TRIM58: variants seen among roughly 807,000 people sequenced by gnomAD.
TRIM58 encodes tripartite motif containing 58, also known as E3 ubiquitin-protein ligase TRIM58.
A neutral mutation model predicts 34.1 loss-of-function variants in TRIM58; 38 were observed. That is an observed-to-expected ratio of 1.12 (90% CI 0.86 to 1.46). The LOEUF (loss-of-function observed/expected upper bound fraction) is 1.46. Among genes scored for constraint, TRIM58 ranks in the 40% most tolerant of loss-of-function variants. The pLI is 0.00. For missense variants in TRIM58, 677 were observed against 642.0 expected, an observed-to-expected ratio of 1.05 and a Z score of -0.59; for synonymous variants, 273 against 275.7, an observed-to-expected ratio of 0.99 and a Z score of 0.10.
intron 5 of TRIM58, among the ~76,000 whole-genome samples, chr1:247,874,400 T>C (rs1051258282): frequency 6.6e-6 from 1 of 152,136 alleles, no homozygotes; most frequent in African/African-American, 2.4e-5. Flanking sequence ...CACTAAGTCA[T>C]TCATGGGGGA....
chr1:247,880,041 C>G lies in TRIM58; in HGVS notation c.*3552C>G, dbSNP rs1336896742. 6.6e-6 allele frequency among the ~76,000 whole-genome samples: 1 copy of G among 152,020 alleles called. No homozygotes were observed. Among genetic ancestry groups the G allele is most frequent in the African/African-American group, 2.4e-5 (1 of 41,386 alleles). ...CTTTGTCTGTTGACAATGATACATTCAATGTTTCTCAAGCACCCCCAATGC... is the reference window on the plus strand; with the variant it reads ...CTTTGTCTGTTGACAATGATACATTGAATGTTTCTCAAGCACCCCCAATGC... On this transcript the variant is annotated 3_prime_UTR_variant, in exon 6 of 6. Transcript: ENST00000366481.
At chr1:247,875,340 G>A (rs918165304) in intron 5 of TRIM58, among the ~76,000 whole-genome samples, 1 of 152,132 alleles carries the variant, frequency 6.6e-6, no homozygotes, top group Non-Finnish European at 1.5e-5. Flanking sequence ...TATGTTAAAT[G>A]CAGAAGATCC....
At chr1:247,875,405 G>A (rs554491952) in intron 5 of TRIM58, among the ~76,000 whole-genome samples, 21 of 152,154 alleles carry the variant, frequency 1.4e-4, no homozygotes, top group Non-Finnish European at 2.8e-4. Context: ...GTGTGCACCT[G>A]TAGTCCCAGC....
Position 247,864,930 on chromosome 1 carries a change from C to T in TRIM58, c.742C>T (p.Leu248=), listed in dbSNP as rs1412848289. The change falls in exon 3 of 6, where the codon CTG becomes TTG. Residue 248 remains leucine, a synonymous_variant. Transcript: ENST00000366481. ...GTGCCAGCGCCCGGCCCTGGGTCTGCTGGAGGTGAGGCCGGGTGCCAGAAA... is the reference window on the plus strand; with the variant it reads ...GTGCCAGCGCCCGGCCCTGGGTCTGTTGGAGGTGAGGCCGGGTGCCAGAAA... ...ERCQRPALGL[L]EGVRGVLSRS... 1.9e-6 allele frequency: 3 copies of T among 1,571,368 alleles called. No individual in the cohort carries two copies. The highest frequency in any genetic ancestry group is 2.3e-5 in the East Asian group (1 of 43,470).
chr1:247,873,978 A>G (rs1221930961), intron 5 of TRIM58, among the ~76,000 whole-genome samples: 1 of 149,292 alleles, frequency 6.7e-6, no homozygotes, highest in Non-Finnish European at 1.5e-5. Flanking sequence ...AAAAAAAAGT[A>G]GTTCACTGTA....
chr1:247,857,245 T>TCATG lies in TRIM58; in HGVS notation c.-1_3dup, dbSNP rs1663650099. The TCATG allele has an allele frequency of 7.6e-7, 1 of 1,309,680 alleles. No homozygotes were observed. Among genetic ancestry groups the TCATG allele is most frequent in the Non-Finnish European group, 9.8e-7 (1 of 1,022,246 alleles). The allele number at this position is 1,309,680 out of a possible 1,614,324, so 81.1% of individuals were successfully genotyped here. A position where few individuals can be genotyped will look rare whatever the true frequency, so the allele number is the denominator to read the frequency against. On this transcript the variant is annotated 5_prime_UTR_variant, in exon 1 of 6. The change creates a new upstream start codon in the 5' untranslated region. Transcript: ENST00000366481. ...GGAGCGCAGCCCTCCGGGAGGCGGG[T>TCATG]CATGGCCTGGGCGCCGCCCGGGGAG...
chr1:247,861,243 A>G (rs1053617540), intron 2 of TRIM58, among the ~76,000 whole-genome samples: 2 of 152,096 alleles, frequency 1.3e-5, no homozygotes, highest in Non-Finnish European at 2.9e-5. Context: ...GTGTACACAC[A>G]CACACAGTGA....
rs778317143 is a variant in TRIM58, at chr1:247,876,414, A to G, written c.1386A>G (p.Thr462=). The G allele has an allele frequency of 2.0e-5, 33 of 1,614,026 alleles. No homozygotes were observed. The highest frequency in any genetic ancestry group is 6.8e-6 in the Non-Finnish European group (8 of 1,180,034). The change falls in exon 6 of 6, where the codon ACA becomes ACG. Residue 462 remains threonine (T), a synonymous_variant. Transcript: ENST00000366481. ...CTCCTCTTATCTTGCCACCCACAACAATAGCAGGGTCAGGAAATTGGGCAT... is the reference window on the plus strand; with the variant it reads ...CTCCTCTTATCTTGCCACCCACAACGATAGCAGGGTCAGGAAATTGGGCAT... ...DATPLILPPT[T]IAGSGNWASR...
chr1:247,879,736 T>C lies in TRIM58; in HGVS notation c.*3247T>C, dbSNP rs960574961. 1.3e-5 allele frequency among the ~76,000 whole-genome samples: 2 copies of C among 151,470 alleles called. No homozygotes were observed. Among genetic ancestry groups the C allele is most frequent in the Non-Finnish European group, 2.9e-5 (2 of 67,966 alleles). On this transcript the variant is annotated 3_prime_UTR_variant, in exon 6 of 6. Transcript: ENST00000366481. ...CCCATCACAGGGCCATTTCCCCGCCTGTGGCTTCTGCTTGACATTCCCTTT... is the reference window on the plus strand; with the variant it reads ...CCCATCACAGGGCCATTTCCCCGCCCGTGGCTTCTGCTTGACATTCCCTTT...
chr1:247,873,995 T>C (rs1048710637), intron 5 of TRIM58, among the ~76,000 whole-genome samples: 3 of 152,098 alleles, frequency 2.0e-5, no homozygotes, highest in Non-Finnish European at 4.4e-5. Flanking sequence ...TGTAAGTGTT[T>C]AAAGGCAAAT....
rs752573949 is a variant in TRIM58, at chr1:247,875,972, A to G, written c.944A>G (p.Asp315Gly). The change falls in exon 6 of 6, where the codon GAT (aspartate) becomes GGT (glycine). Residue 315 changes from aspartate to glycine, a missense_variant. By Grantham distance (94) the Asp-to-Gly change is moderately conservative. Coordinates refer to ENST00000366481, the MANE Select transcript of TRIM58 (RefSeq NM_015431.4). Reference protein sequence around the residue: ...LLTADLRSVQDGEPWRDVPNN... With the variant: ...LLTADLRSVQGGEPWRDVPNN... The stretch of plus-strand genomic sequence containing the variant: ...ACCGCCGACCTGCGCAGTGTGCAGG[A>G]TGGAGAACCATGGAGGGATGTCCCC... 1 of 1,614,172 alleles carries G rather than the reference A, an allele frequency of 6.2e-7. No homozygotes were observed. The highest frequency in any genetic ancestry group is 8.5e-7 in the Non-Finnish European group (1 of 1,180,036).
rs1192700992 is a variant in TRIM58, at chr1:247,860,599, T to C, written c.421-18T>C. 1 of 1,599,528 alleles carries C rather than the reference T, an allele frequency of 6.3e-7. No individual in the cohort carries two copies. Among genetic ancestry groups the C allele is most frequent in the Non-Finnish European group, 8.6e-7 (1 of 1,167,606 alleles). On this transcript the variant is annotated intron_variant, in intron 1 of 5. Coordinates refer to ENST00000366481, the MANE Select transcript of TRIM58 (RefSeq NM_015431.4). ...ACAGATTGAGGGCATCTGTAACAGC[T>C]GAAATGTTCCCAAACAGGTAAAGCT...
Position 247,876,765 on chromosome 1 carries a change from A to AT in TRIM58, c.*277dup. 2.3e-6 allele frequency: 1 copy of AT among 432,046 alleles called. No homozygotes were observed. The highest frequency in any genetic ancestry group is 4.1e-6 in the Non-Finnish European group (1 of 242,108). 26.8% of individuals were successfully genotyped at this position (432,046 alleles called of 1,614,324 possible). A position where few individuals can be genotyped will look rare whatever the true frequency, so the allele number is the denominator to read the frequency against. On this transcript the variant is annotated 3_prime_UTR_variant, in exon 6 of 6. Transcript: ENST00000366481. ...CTTCAAATTAATGACCTTGGATTAC[A>AT]TAAGGATTTCTATGCATTCATTATA...
intron 3 of TRIM58, among the ~76,000 whole-genome samples, chr1:247,867,471 A>C (rs959563472): frequency 1.3e-5 from 2 of 152,044 alleles, no homozygotes; most frequent in African/African-American, 4.8e-5. Context: ...AGGTGGGTGG[A>C]TCACCTGAGG....
In TRIM58 at chr1:247,875,216, G is replaced by A. The variant is rs371277396; in HGVS notation, c.872-684G>A. Among the ~76,000 whole-genome samples, 42 of 152,076 alleles carry A rather than the reference G, an allele frequency of 2.8e-4. 2 individuals are homozygous for A. The East Asian group carries it at 3.8e-3, about 14-fold the overall frequency. On this transcript the variant is annotated intron_variant, in intron 5 of 5. Coordinates refer to ENST00000366481, the MANE Select transcript of TRIM58 (RefSeq NM_015431.4). ...AACACCAGGGTGTGAAGGTCATGGG[G>A]TCCATCTTAGAATTCCGCCTACCAC...
chr1:247,872,956 G>A (rs1391512200), intron 5 of TRIM58, among the ~76,000 whole-genome samples: 2 of 152,178 alleles, frequency 1.3e-5, no homozygotes, highest in African/African-American at 2.4e-5. Context: ...TGGGCCGGGC[G>A]CGGTGGCTCA....
chr1:247,858,598 C>T (rs1369539833), intron 1 of TRIM58, among the ~76,000 whole-genome samples: 1 of 151,252 alleles, frequency 6.6e-6, no homozygotes, highest in African/African-American at 2.4e-5. Context: ...GATATTTTCC[C>T]CTTCCTTCTC....
rs1422554188 is a variant in TRIM58 at position 247,878,877 on chromosome 1, C to G, written c.*2388C>G. ...TCAGTAAACCAATGTGAGTCTTCAT[C>G]TCTTGCATTCTTAGGTTCATAGTTT... is the stretch of plus-strand genomic sequence containing the variant. On this transcript the variant is annotated 3_prime_UTR_variant, in exon 6 of 6. Coordinates refer to ENST00000366481, the MANE Select transcript of TRIM58 (RefSeq NM_015431.4). 6.6e-6 allele frequency among the ~76,000 whole-genome samples: 1 copy of G among 152,180 alleles called. No homozygotes were observed. Among genetic ancestry groups the G allele is most frequent in the African/African-American group, 2.4e-5 (1 of 41,424 alleles).
intron 5 of TRIM58, 55 bp from the exon 6 acceptor site, chr1:247,875,845 A>C: frequency 6.8e-7 from 1 of 1,481,202 alleles, no homozygotes; most frequent in Non-Finnish European, 9.1e-7. Flanking sequence ...TGGTTTCCTA[A>C]GTTTCTACCA....
Sources: gnomAD v4.1 joint callset for allele counts (sites outside exome capture counted in the v4.1 genomes callset) on GRCh38, gnomAD v4.1.1 for gene constraint, MANE v1.5 for transcripts, NCBI Gene and HGNC (gene_info 2026-07-23, HGNC 2026-07-21) for gene names.